Variants in CRYBG1 observed in about 807,000 individuals in gnomAD.
CRYBG1 encodes beta/gamma crystallin domain-containing protein 1.
Under a neutral mutation model 189.2 loss-of-function variants are expected in CRYBG1, and 139 were observed. The ratio of observed to expected loss-of-function variants is 0.73; its 90% CI spans 0.64 to 0.85. CRYBG1 has a LOEUF of 0.85. Ranked by LOEUF, CRYBG1 falls within the 40% of genes least tolerant of loss-of-function variation. The pLI is 0.00. For synonymous variants in CRYBG1, 1,023 were observed against 1,017.1 expected (o/e 1.01, Z -0.11); for missense variants, 2,611 against 2,675.8 (o/e 0.98, Z 0.53).
intron 1 of CRYBG1, among the ~76,000 whole-genome samples, chr6:106,403,085 C>T (rs982338014): frequency 4.6e-5 from 7 of 152,268 alleles, no homozygotes; most frequent in Admixed American, 4.6e-4. Flanking sequence ...CCTGTAATCA[C>T]GCCTTGGGAG....
At chr6:106,402,656 A>G (rs1770743347) in intron 1 of CRYBG1, among the ~76,000 whole-genome samples, 1 of 151,562 alleles carries the variant, frequency 6.6e-6, no homozygotes, top group African/African-American at 2.4e-5. Context: ...TTCAAGATGG[A>G]TTAAAGATTT....
At chr6:106,423,694 CCTT>C (rs58612120) in intron 1 of CRYBG1, among the ~76,000 whole-genome samples, 32,274 of 100,364 alleles carry the variant, frequency 0.32, 8,948 homozygotes, top group South Asian at 0.51. Flanking sequence ...TTCTCCCTCC[CCTT>C]TTTTTTTTTT....
Position 106,511,883 on chromosome 6 carries a change from C to T in CRYBG1, c.766C>T (p.His256Tyr). Residue 256 changes from histidine (H) to tyrosine (Y), a missense_variant, in exon 3 of 22, where the codon CAT (histidine) becomes TAT (tyrosine). Physicochemically the swap from His to Tyr is moderately conservative, Grantham distance 83. Coordinates refer to ENST00000633556, the MANE Select transcript of CRYBG1 (RefSeq NM_001371242.2). ...TGCCACCACCACTGCCAAGCAGCTG[C>T]ATTCCTCGCCGGGAAATTCCTCCAG... ...PDATTTAKQL[H>Y]SSPGNSSRQE... 6.6e-7 allele frequency: 1 copy of T among 1,520,704 alleles called. No individual in the cohort carries two copies. Among genetic ancestry groups the T allele is most frequent in the Non-Finnish European group, 8.8e-7 (1 of 1,137,046 alleles). 94.2% of individuals were successfully genotyped at this position (1,520,704 alleles called of 1,614,324 possible).
intron 2 of CRYBG1, among the ~76,000 whole-genome samples, chr6:106,485,920 G>A (rs1004229711): frequency 2.0e-5 from 3 of 152,146 alleles, no homozygotes; most frequent in Admixed American, 1.3e-4. Context: ...ATACTGACCT[G>A]CAGTTTACTT....
chr6:106,511,679 G>A lies in CRYBG1; in HGVS notation c.562G>A (p.Glu188Lys). Reference protein sequence around the residue: ...TDTSEEGSPRENPREAEGELP... With the variant: ...TDTSEEGSPRKNPREAEGELP... Reference sequence around the variant, plus strand: ...CACAAGCGAGGAGGGCTCCCCGCGGGAGAATCCCCGAGAGGCAGAGGGCGA... The same window carrying A: ...CACAAGCGAGGAGGGCTCCCCGCGGAAGAATCCCCGAGAGGCAGAGGGCGA... The change falls in exon 3 of 22, where the codon GAG (glutamate) becomes AAG (lysine). Residue 188 changes from glutamate (E) to lysine (K), a missense_variant. By Grantham distance (56) the Glu-to-Lys change is moderately conservative. This residue lies in a region of CRYBG1 where 985 missense variants were observed against 924.4 expected (regional missense o/e 1.07). Transcript: ENST00000633556. The A allele has an allele frequency of 1.3e-6, 2 of 1,535,658 alleles. No individual in the cohort carries two copies. The highest frequency in any genetic ancestry group is 8.7e-7 in the Non-Finnish European group (1 of 1,146,650).
Position 106,423,694 on chromosome 6 carries a change from C to CTTTTTTTTTTTTTTTT in CRYBG1, c.174-28000_174-27999insTTTTTTTTTTTTTTTT, listed in dbSNP as rs1350862841. Reference sequence around the variant, plus strand: ...CCCTCCAGTCCTCAGTTCTCCCTCCCCTTTTTTTTTTTTTTTTTTTTTTTT... The same window carrying CTTTTTTTTTTTTTTTT: ...CCCTCCAGTCCTCAGTTCTCCCTCCCTTTTTTTTTTTTTTTTCTTTTTTTTTTTTTTTTTTTTTTTT... On this transcript the variant is annotated intron_variant, in intron 1 of 21. Coordinates refer to ENST00000633556, the MANE Select transcript of CRYBG1 (RefSeq NM_001371242.2). 7.9e-5 allele frequency among the ~76,000 whole-genome samples: 8 copies of CTTTTTTTTTTTTTTTT among 101,246 alleles called. 3 individuals are homozygous for CTTTTTTTTTTTTTTTT. The highest frequency in any genetic ancestry group is 8.5e-5 in the African/African-American group (2 of 23,608). The allele number at this position is 101,246 out of a possible 152,430, so 66.4% of individuals were successfully genotyped here. A position where few individuals can be genotyped will look rare whatever the true frequency, so the allele number is the denominator to read the frequency against.
At chr6:106,490,460 T>C (rs1222189444) in intron 2 of CRYBG1, among the ~76,000 whole-genome samples, 1 of 152,204 alleles carries the variant, frequency 6.6e-6, no homozygotes, top group Non-Finnish European at 1.5e-5. Context: ...AAAGATTATA[T>C]CTTTCAGAAA....
intron 8 of CRYBG1, among the ~76,000 whole-genome samples, chr6:106,531,684 T>A (rs1773878411): frequency 6.6e-6 from 1 of 152,140 alleles, no homozygotes; most frequent in Non-Finnish European, 1.5e-5. Context: ...TTTTGAAATA[T>A]AAGACACCTA....
At chr6:106,517,472 A>C (rs1773466739) in intron 3 of CRYBG1, among the ~76,000 whole-genome samples, 1 of 149,064 alleles carries the variant, frequency 6.7e-6, no homozygotes, top group African/African-American at 2.5e-5. Context: ...ATACACACAC[A>C]CATATATATA....
At chr6:106,478,418 G>A (rs1772378167) in intron 2 of CRYBG1, among the ~76,000 whole-genome samples, 1 of 152,184 alleles carries the variant, frequency 6.6e-6, no homozygotes. Flanking sequence ...ATCTTATGCT[G>A]AAAGTAATTG....
Position 106,384,885 on chromosome 6 carries a change from G to T in CRYBG1, c.173+23804G>T, listed in dbSNP as rs527273088. On this transcript the variant is annotated intron_variant, in intron 1 of 21. Coordinates refer to ENST00000633556, the MANE Select transcript of CRYBG1 (RefSeq NM_001371242.2). ...CCCAGTTCAGGTGTCTTTTGTGTTT[G>T]GGGTGCAGTCTCTTTCAAAATCTCT... Among the ~76,000 whole-genome samples the T allele has an allele frequency of 2.0e-5, 2 of 98,038 alleles. 1 individual carries two copies. The highest frequency in any genetic ancestry group is 7.5e-4 in the South Asian group (2 of 2,680). The allele number at this position is 98,038 out of a possible 152,430, so 64.3% of individuals were successfully genotyped here. A position where few individuals can be genotyped will look rare whatever the true frequency, so the allele number is the denominator to read the frequency against.
chr6:106,504,862 T>A (rs1223861891), intron 2 of CRYBG1, among the ~76,000 whole-genome samples: 1 of 152,148 alleles, frequency 6.6e-6, no homozygotes, highest in Non-Finnish European at 1.5e-5. Context: ...GATACTGAGA[T>A]GATATTCTGC....
chr6:106,362,549 G>A (rs1582720317), intron 1 of CRYBG1, among the ~76,000 whole-genome samples: 2 of 152,286 alleles, frequency 1.3e-5, no homozygotes, highest in South Asian at 4.1e-4. Flanking sequence ...GGGCTGCACT[G>A]TGCACATCAC....
chr6:106,373,969 T>G (rs1770096674), intron 1 of CRYBG1, among the ~76,000 whole-genome samples: 3 of 152,230 alleles, frequency 2.0e-5, no homozygotes, highest in South Asian at 4.1e-4. Flanking sequence ...TGTTACTACT[T>G]CTCTCCAAAG....
intron 2 of CRYBG1, among the ~76,000 whole-genome samples, chr6:106,476,557 T>C (rs1485437877): frequency 6.6e-6 from 1 of 152,228 alleles, no homozygotes. Context: ...GCTATAGGCT[T>C]ATCTATGATT....
chr6:106,562,218 T>C (rs1774740746), intron 20 of CRYBG1, among the ~76,000 whole-genome samples: 1 of 152,210 alleles, frequency 6.6e-6, no homozygotes, highest in Non-Finnish European at 1.5e-5. Context: ...TAATTGGGTC[T>C]GTTGTGCTGG....
intron 21 of CRYBG1, among the ~76,000 whole-genome samples, chr6:106,567,694 T>TC (rs1026039472): frequency 1.8e-4 from 27 of 149,986 alleles, no homozygotes; most frequent in South Asian, 2.1e-4. Flanking sequence ...AAAAAAAAAA[T>TC]CAGATAACCC....
intron 2 of CRYBG1, among the ~76,000 whole-genome samples, chr6:106,487,795 G>A (rs1310272686): frequency 6.6e-6 from 1 of 151,952 alleles, no homozygotes; most frequent in Admixed American, 6.6e-5. Context: ...TCTTTTTCAG[G>A]GATTTCATAA....
intron 1 of CRYBG1, among the ~76,000 whole-genome samples, chr6:106,409,045 A>G (rs1770877142): frequency 6.6e-6 from 1 of 152,216 alleles, no homozygotes; most frequent in South Asian, 2.1e-4. Flanking sequence ...AGAGAAAGAA[A>G]TAAAGTGTAT....
Sources: allele counts gnomAD v4.1 joint callset (sites outside exome capture counted in the v4.1 genomes callset), GRCh38; gene constraint gnomAD v4.1.1; regional missense constraint gnomAD v4.1.1; transcripts MANE v1.5; gene names NCBI Gene and HGNC (gene_info 2026-07-23, HGNC 2026-07-21).